NFKBIA: variants seen among roughly 807,000 people sequenced by gnomAD.
NFKBIA encodes the protein NF-kappa-B inhibitor alpha.
A neutral mutation model predicts 36.3 loss-of-function variants in NFKBIA; 10 were observed. The observed-to-expected ratio is 0.28, with a 90% CI of 0.17 to 0.47. NFKBIA has a LOEUF of 0.47. NFKBIA is among the 20% of genes least tolerant of loss of function. NFKBIA has a pLI of 0.99. For missense variants in NFKBIA, 355 were observed against 399.3 expected (o/e 0.89, Z 0.94); for synonymous variants, 205 against 164.4 (o/e 1.25, Z -1.89).
In NFKBIA at chr14:35,402,403, T is replaced by C; in HGVS notation, c.897A>G (p.Thr299=). Residue 299 remains threonine, a synonymous_variant, in exon 5 of 6, where the codon ACA becomes ACG. Transcript: ENST00000216797. ...GAGTTCACAGACTCACCTCGTCCTC[T>C]GTGAACTCCGTGAACTCTGACTCTG... ...YDTESEFTEF[T]EDELPYDDCV... 1 of 1,614,200 alleles carries C rather than the reference T, an allele frequency of 6.2e-7. No individual in the cohort carries two copies. The highest frequency in any genetic ancestry group is 8.5e-7 in the Non-Finnish European group (1 of 1,180,028).
At chr14:35,403,958 G>A (rs924028759) in intron 1 of NFKBIA, 160 bp from the exon 2 acceptor site, 17 of 658,328 alleles carry the variant, frequency 2.6e-5, no homozygotes, top group Admixed American at 6.8e-5. Flanking sequence ...CCTGGCAGGC[G>A]CCCAGGGACT....
Sources: allele counts gnomAD v4.1 joint callset, GRCh38; gene constraint gnomAD v4.1.1; transcripts MANE v1.5; gene names NCBI Gene and HGNC (gene_info 2026-07-23, HGNC 2026-07-21).